XKR9: variants seen among roughly 807,000 people sequenced by gnomAD.
XKR9 encodes XK related 9.
XKR9 carries 32 observed loss-of-function variants against 32.0 expected under a neutral mutation model. That is an observed-to-expected ratio of 1.00 (90% CI 0.76 to 1.34). The LOEUF (loss-of-function observed/expected upper bound fraction) is 1.34, where lower values mean the gene tolerates loss of function less well. XKR9 is among the 40% of genes most tolerant of loss of function. XKR9 has a pLI of 0.00. For synonymous variants in XKR9, 168 were observed against 143.4 expected (o/e 1.17, Z -1.22); for missense variants, 546 against 429.7 (o/e 1.27, Z -2.39).
intron 2 of XKR9, among the ~76,000 whole-genome samples, chr8:70,744,745 A>G (rs960677294): frequency 4.6e-5 from 7 of 151,620 alleles, no homozygotes; most frequent in African/African-American, 1.7e-4. Context: ...AGCTGGGACT[A>G]CAGGTGTGCA....
At position 70,735,354 on chromosome 8, in the gene XKR9, C is replaced by G. The variant is rs1273534896; in HGVS notation, c.*930C>G. On this transcript the variant is annotated 3_prime_UTR_variant, in exon 5 of 5. Transcript: ENST00000408926. ...TTGTTGCCATGGTTTGAATGTGCCC[C>G]CCAGATTTCATGTGTGTGAAACTTA... 1 of 151,846 alleles carries G rather than the reference C, an allele frequency of 6.6e-6. No individual in the cohort carries two copies. Among genetic ancestry groups the G allele is most frequent in the Non-Finnish European group, 1.5e-5 (1 of 67,978 alleles). 9.4% of individuals were successfully genotyped at this position (151,846 alleles called of 1,614,324 possible).
At chr8:71,024,153 G>A in the XKR9 span, among the ~76,000 whole-genome samples, 1 of 152,172 alleles carries the variant, frequency 6.6e-6, no homozygotes, top group Non-Finnish European at 1.5e-5. Flanking sequence ...GGGTGACAGT[G>A]CAGTAATGGC....
chr8:70,900,662 C>A, the XKR9 span, among the ~76,000 whole-genome samples: 2 of 151,666 alleles, frequency 1.3e-5, no homozygotes, highest in African/African-American at 4.8e-5. Flanking sequence ...CTCATGTATC[C>A]TTTTTTAAAT....
At chr8:70,916,681 A>G in the XKR9 span, among the ~76,000 whole-genome samples, 1 of 152,128 alleles carries the variant, frequency 6.6e-6, no homozygotes, top group Non-Finnish European at 1.5e-5. Context: ...AATTTTCATA[A>G]GCTGTCTTGT....
In XKR9 at chr8:70,699,040, G is replaced by C. The variant is rs532104663; in HGVS notation, c.273-7893G>C. Among the ~76,000 whole-genome samples, 178 of 152,232 alleles carry C rather than the reference G, an allele frequency of 1.2e-3. 2 individuals carry two copies. Among genetic ancestry groups the C allele is most frequent in the African/African-American group, 3.7e-3 (152 of 41,540 alleles). ...TTTTTTGTTTTCCATTTGCTTGGTA[G>C]ATCTTCCTCCATCCTTTTATTTTGA... On this transcript the variant is annotated intron_variant, in intron 3 of 4. Transcript: ENST00000408926.
chr8:71,006,657 C>G, the XKR9 span, among the ~76,000 whole-genome samples: 1 of 152,040 alleles, frequency 6.6e-6, no homozygotes, highest in African/African-American at 2.4e-5. Flanking sequence ...CAAGCCAGTC[C>G]AAAAATGGCA....
chr8:70,748,349 C>T (rs564755100), intron 2 of XKR9, among the ~76,000 whole-genome samples: 1 of 152,360 alleles, frequency 6.6e-6, no homozygotes, highest in East Asian at 1.9e-4. Flanking sequence ...CCCCTTCCCC[C>T]CACAGGCTTG....
chr8:70,705,331 CAAAAAT>C (rs1417714447), intron 3 of XKR9, among the ~76,000 whole-genome samples: 1 of 151,878 alleles, frequency 6.6e-6, no homozygotes, highest in East Asian at 1.9e-4. Flanking sequence ...AGATAATAAA[CAAAAAT>C]AAATAATGTG....
the XKR9 span, among the ~76,000 whole-genome samples, chr8:70,848,679 A>G: frequency 6.6e-6 from 1 of 151,528 alleles, no homozygotes; most frequent in Non-Finnish European, 1.5e-5. Flanking sequence ...GGTGTGCTGT[A>G]TTCAAAAGAT....
chr8:70,923,907 A>G, the XKR9 span, among the ~76,000 whole-genome samples: 1 of 152,156 alleles, frequency 6.6e-6, no homozygotes, highest in Non-Finnish European at 1.5e-5. Flanking sequence ...AAATTGAAAA[A>G]ACTTCAGGCC....
At chr8:71,003,843 G>T in the XKR9 span, among the ~76,000 whole-genome samples, 1 of 152,204 alleles carries the variant, frequency 6.6e-6, no homozygotes, top group Admixed American at 6.5e-5. Context: ...TTCCCAAGAA[G>T]TAATGTCCTC....
chr8:70,879,268 A>G, the XKR9 span, among the ~76,000 whole-genome samples: 1 of 152,188 alleles, frequency 6.6e-6, no homozygotes, highest in South Asian at 2.1e-4. Flanking sequence ...AGAGCAAACA[A>G]ACTCAAAAGC....
At chr8:70,911,313 A>G in the XKR9 span, among the ~76,000 whole-genome samples, 1 of 152,204 alleles carries the variant, frequency 6.6e-6, no homozygotes, top group Non-Finnish European at 1.5e-5. Context: ...CATTTTCAAC[A>G]TCTTGCTTAT....
chr8:70,942,572 A>G, the XKR9 span, among the ~76,000 whole-genome samples: 1 of 152,136 alleles, frequency 6.6e-6, no homozygotes, highest in Non-Finnish European at 1.5e-5. Context: ...AGCCTTCCTC[A>G]CCACAGTTTC....
chr8:70,927,090 G>T, the XKR9 span, among the ~76,000 whole-genome samples: 1 of 151,908 alleles, frequency 6.6e-6, no homozygotes, highest in Non-Finnish European at 1.5e-5. Context: ...AATATGAAAT[G>T]TGTATGTATA....
chr8:70,828,975 C>G, the XKR9 span, among the ~76,000 whole-genome samples: 1 of 152,082 alleles, frequency 6.6e-6, no homozygotes, highest in Non-Finnish European at 1.5e-5. Flanking sequence ...CGTTAATTGC[C>G]AAAGAAATTC....
intron 1 of XKR9, among the ~76,000 whole-genome samples, 186 bp from the exon 2 acceptor site, chr8:70,674,632 A>G (rs751046184): frequency 1.3e-5 from 2 of 152,240 alleles, no homozygotes; most frequent in Admixed American, 1.3e-4. Context: ...TAGTCAGCCT[A>G]TGAAAGGACC....
chr8:70,881,768 T>G, the XKR9 span, among the ~76,000 whole-genome samples: 1 of 152,204 alleles, frequency 6.6e-6, no homozygotes, highest in East Asian at 1.9e-4. Flanking sequence ...TTACTGGGTA[T>G]ACACCCAAAG....
the XKR9 span, among the ~76,000 whole-genome samples, chr8:70,988,739 A>T: frequency 1.3e-5 from 2 of 152,240 alleles, no homozygotes; most frequent in Non-Finnish European, 2.9e-5. Flanking sequence ...AGTGTTAAGT[A>T]TATTGACATT....
Sources: gnomAD v4.1 joint callset for allele counts (sites outside exome capture counted in the v4.1 genomes callset) on GRCh38, gnomAD v4.1.1 for gene constraint, MANE v1.5 for transcripts, NCBI Gene and HGNC (gene_info 2026-07-23, HGNC 2026-07-21) for gene names.